Variants in DMD observed in about 807,000 individuals in gnomAD.
The protein encoded by DMD is dystrophin.
Under a neutral mutation model 330.1 loss-of-function variants are expected in DMD, and 63 were observed. That is an observed-to-expected ratio of 0.19 (90% CI 0.16 to 0.24). The LOEUF is 0.24. Ranked by LOEUF, DMD falls within the 10% of genes least tolerant of loss-of-function variation. The pLI, the probability that DMD is intolerant of heterozygous loss-of-function variation, is 1.00. For missense variants in DMD, 3,344 were observed against 2,684.1 expected (o/e 1.25, Z -5.43); for synonymous variants, 1,223 against 959.8 (o/e 1.27, Z -5.07).
At chrX:32,747,294 T>C (rs893605923) in intron 7 of DMD, among the ~76,000 whole-genome samples, 1 of 112,074 alleles carries the variant, frequency 8.9e-6, no homozygotes, top group African/African-American at 3.2e-5. Flanking sequence ...CAGGCAATTC[T>C]GAGGATTAAC....
At chrX:31,832,147 G>C (rs944790524) in intron 49 of DMD, among the ~76,000 whole-genome samples, 1 of 111,795 alleles carries the variant, frequency 8.9e-6, no homozygotes, top group East Asian at 2.8e-4. Flanking sequence ...AGGTAAATGA[G>C]ATTGTACGCA....
At chrX:31,472,315 A>T (rs1254387541) in intron 59 of DMD, among the ~76,000 whole-genome samples, 3 of 112,161 alleles carry the variant, frequency 2.7e-5, no homozygotes, top group Non-Finnish European at 3.8e-5. Flanking sequence ...AAGAAAAGAT[A>T]AGTTTTCCTT....
intron 2 of DMD, among the ~76,000 whole-genome samples, chrX:32,881,206 T>G (rs2083913066): frequency 8.9e-6 from 1 of 112,466 alleles, no homozygotes; most frequent in African/African-American, 3.2e-5. Flanking sequence ...AAATTCTTTC[T>G]CTTTGAAGCT....
chrX:31,122,835 G>C (rs943407047), intron 78 of DMD, among the ~76,000 whole-genome samples: 5 of 111,709 alleles, frequency 4.5e-5, no homozygotes, highest in African/African-American at 1.6e-4. Flanking sequence ...ATGTCCCTGG[G>C]TACTTCGTAG....
intron 44 of DMD, among the ~76,000 whole-genome samples, chrX:31,997,919 C>T (rs1360343975): frequency 1.8e-5 from 2 of 111,399 alleles, no homozygotes. Context: ...AATTATGCAG[C>T]GAGTATCTTT....
intron 67 of DMD, among the ~76,000 whole-genome samples, chrX:31,203,059 A>G (rs2043660845): frequency 1.8e-5 from 2 of 110,516 alleles, no homozygotes; most frequent in South Asian, 3.9e-4. Context: ...AGGCAGGTGG[A>G]TCACCTGAGG....
intron 62 of DMD, among the ~76,000 whole-genome samples, chrX:31,313,681 C>A (rs1273876547): frequency 1.8e-5 from 2 of 110,353 alleles, no homozygotes; most frequent in African/African-American, 6.6e-5. Flanking sequence ...CCTCACCCAG[C>A]ATTCTGCCCT....
intron 2 of DMD, among the ~76,000 whole-genome samples, chrX:32,954,320 T>C (rs1294088036): frequency 3.6e-5 from 4 of 111,646 alleles, no homozygotes; most frequent in Non-Finnish European, 7.5e-5. Flanking sequence ...TTAAATAGAA[T>C]GTGACCCAGA....
chrX:32,069,597 A>T, intron 44 of DMD, among the ~76,000 whole-genome samples: 1 of 112,021 alleles, frequency 8.9e-6, no homozygotes, highest in Non-Finnish European at 1.9e-5. Context: ...CATTTGAAGC[A>T]GTAAAAGAAA....
Position 31,120,353 on chromosome X carries a change from T to TCTTA in DMD, c.*1562_*1565dup, listed in dbSNP as rs758612124. On this transcript the variant is annotated 3_prime_UTR_variant, in exon 79 of 79. Transcript: ENST00000357033. ...AACATTTGAATCAATTTGCCTTCTT[T>TCTTA]CTTACTTACTTACAAACCTGTGTGG... is the stretch of plus-strand genomic sequence containing the variant. The TCTTA allele has an allele frequency of 0.087, 9,598 of 110,911 alleles. 527 individuals are homozygous for TCTTA. The highest frequency in any genetic ancestry group is 0.2 in the African/African-American group (6,116 of 30,216). 9.1% of individuals were successfully genotyped at this position (110,911 alleles called of 1,213,427 possible). A position where few individuals can be genotyped will look rare whatever the true frequency, so the allele number is the denominator to read the frequency against.
rs778633475 is a variant in DMD at position 32,736,492 on chromosome X, G to A, written c.650-37199C>T. 2.0e-3 allele frequency among the ~76,000 whole-genome samples: 222 copies of A among 110,160 alleles called. 1 individual carries two copies. The highest frequency in any genetic ancestry group is 3.2e-3 in the Non-Finnish European group (167 of 52,991). ...GTATGTTTATTGCGGCATTATTCAC[G>A]ATAGCAAAGACTTGGAACCAACCCA... On this transcript the variant is annotated intron_variant, in intron 7 of 78. Coordinates refer to ENST00000357033, the MANE Select transcript of DMD (RefSeq NM_004006.3).
chrX:31,929,537 T>C, intron 47 of DMD, 59 bp downstream of exon 47: 3 of 1,178,510 alleles, frequency 2.5e-6, no homozygotes, highest in Non-Finnish European at 3.5e-6. Flanking sequence ...GGAAACAAAA[T>C]ACATACAAAT....
intron 41 of DMD, among the ~76,000 whole-genome samples, chrX:32,335,935 G>A (rs1603631062): frequency 9.6e-6 from 1 of 104,515 alleles, no homozygotes; most frequent in East Asian, 3.6e-4. Context: ...TATATATAAC[G>A]TGTATACGTG....
chrX:32,662,182 T>C (rs974695920), intron 9 of DMD, among the ~76,000 whole-genome samples: 1 of 111,810 alleles, frequency 8.9e-6, no homozygotes, highest in African/African-American at 3.2e-5. Context: ...CATATTCTAT[T>C]TGGAAGTTTT....
intron 2 of DMD, among the ~76,000 whole-genome samples, chrX:32,936,449 C>T (rs147101953): frequency 9.0e-6 from 1 of 111,656 alleles, no homozygotes; most frequent in Non-Finnish European, 1.9e-5. Context: ...AGGGGCATAT[C>T]CTATTACTTT....
intron 1 of DMD, among the ~76,000 whole-genome samples, chrX:33,217,051 A>G (rs761826222): frequency 8.9e-6 from 1 of 111,793 alleles, no homozygotes; most frequent in African/African-American, 3.2e-5. Context: ...TTATTAGGTA[A>G]TATACTTATA....
At chrX:32,822,721 G>A (rs1412811304) in intron 5 of DMD, among the ~76,000 whole-genome samples, 1 of 109,623 alleles carries the variant, frequency 9.1e-6, no homozygotes, top group Non-Finnish European at 1.9e-5. Flanking sequence ...ACACACACAC[G>A]GGTGTGTGTC....
chrX:32,734,513 C>A (rs2148086466), intron 7 of DMD, among the ~76,000 whole-genome samples: 1 of 106,817 alleles, frequency 9.4e-6, no homozygotes. Flanking sequence ...CAAAAATCCT[C>A]AATAAAATAC....
chrX:33,286,520 TCTC>T (rs1221904034), intron 1 of DMD, among the ~76,000 whole-genome samples: 5 of 112,447 alleles, frequency 4.4e-5, no homozygotes, highest in African/African-American at 1.6e-4. Flanking sequence ...CCAGGCCTGT[TCTC>T]CTGCTCTCGT....
Sources: allele counts gnomAD v4.1 joint callset (sites outside exome capture counted in the v4.1 genomes callset), GRCh38; gene constraint gnomAD v4.1.1; transcripts MANE v1.5; gene names NCBI Gene and HGNC (gene_info 2026-07-23, HGNC 2026-07-21).